The following SLC2A13 variants were observed in gnomAD, a reference collection of about 807,000 sequenced individuals.
SLC2A13 encodes proton myo-inositol cotransporter.
A neutral mutation model predicts 64.4 loss-of-function variants in SLC2A13; 32 were observed. The observed-to-expected ratio is 0.50, with a 90% confidence interval of 0.37 to 0.67. SLC2A13 has a LOEUF of 0.67. Ranked by LOEUF, SLC2A13 falls within the 30% of genes least tolerant of loss-of-function variation. The pLI, the probability that SLC2A13 is intolerant of heterozygous loss-of-function variation, is 0.00. For missense variants in SLC2A13, 743 were observed against 829.2 expected (o/e 0.90, Z 1.28); for synonymous variants, 338 against 327.1 (o/e 1.03, Z -0.36).
intron 4 of SLC2A13, among the ~76,000 whole-genome samples, chr12:39,885,263 A>G (rs945218029): frequency 6.6e-6 from 1 of 152,182 alleles, no homozygotes; most frequent in Admixed American, 6.5e-5. Context: ...CTCACTTGAA[A>G]TTCCCTACTC....
At chr12:39,845,268 T>G (rs985425298) in intron 6 of SLC2A13, among the ~76,000 whole-genome samples, 1 of 152,098 alleles carries the variant, frequency 6.6e-6, no homozygotes, top group African/African-American at 2.4e-5. Flanking sequence ...ACTCTCTTTT[T>G]GGGACCCATT....
chr12:39,769,806 A>G (rs1940496837), intron 7 of SLC2A13, among the ~76,000 whole-genome samples: 2 of 151,980 alleles, frequency 1.3e-5, no homozygotes, highest in South Asian at 4.1e-4. Flanking sequence ...CCAGAAGTTT[A>G]TACTCACGAG....
At chr12:39,943,843 C>T (rs759652575) in intron 4 of SLC2A13, among the ~76,000 whole-genome samples, 16 of 152,136 alleles carry the variant, frequency 1.1e-4, no homozygotes, top group Non-Finnish European at 1.8e-4. Context: ...CCCTTGGGAG[C>T]CTACACCATC....
intron 1 of SLC2A13, among the ~76,000 whole-genome samples, chr12:40,098,067 G>T (rs1194651032): frequency 6.6e-6 from 1 of 150,740 alleles, no homozygotes; most frequent in African/African-American, 2.4e-5. Flanking sequence ...GTATATATGT[G>T]TATATATATG....
chr12:40,105,392 G>T lies in SLC2A13; in HGVS notation c.417C>A (p.Gly139=). 6.4e-7 allele frequency: 1 copy of T among 1,558,450 alleles called. No homozygotes were observed. The highest frequency in any genetic ancestry group is 8.7e-7 in the Non-Finnish European group (1 of 1,152,674). ...GGCGGCCGAAGACGCCGTTGAGGGC[G>T]CCTCCGGCCAGCGCCGAGACGGCAG... ...GAAAVSALAG[G]ALNGVFGRRA... Residue 139 remains glycine, a synonymous_variant, in exon 1 of 10, where the codon GGC becomes GGA. Coordinates refer to ENST00000280871, the MANE Select transcript of SLC2A13 (RefSeq NM_052885.4). This position sits in a 1 kb window ranked among gnomAD's most constrained non-coding sequence, Gnocchi z 4.2.
chr12:39,774,823 G>A (rs777288664), intron 7 of SLC2A13, among the ~76,000 whole-genome samples: 11 of 151,866 alleles, frequency 7.2e-5, no homozygotes, highest in African/African-American at 9.7e-5. Context: ...ACTCCTTATC[G>A]GTATATTGAC....
At chr12:39,918,140 G>T (rs1279928359) in intron 4 of SLC2A13, among the ~76,000 whole-genome samples, 1 of 151,992 alleles carries the variant, frequency 6.6e-6, no homozygotes, top group East Asian at 1.9e-4. Context: ...ACCTTATAAG[G>T]CATTCTTCCC....
rs983047220 is a variant in SLC2A13 at position 40,105,089 on chromosome 12, A to G, written c.556+164T>C. Among the ~76,000 whole-genome samples, 4 of 142,180 alleles carry G rather than the reference A, an allele frequency of 2.8e-5. No individual in the cohort carries two copies. Among genetic ancestry groups the G allele is most frequent in the African/African-American group, 5.0e-5 (2 of 39,644 alleles). 93.3% of individuals were successfully genotyped at this position (142,180 alleles called of 152,430 possible). ...CTCCCACCTCCCGGGAGAGCCTTGG[A>G]GGCTGGACCAACAAACAGATGGGCT... On this transcript the variant is annotated intron_variant, in intron 1 of 9. Coordinates refer to ENST00000280871, the MANE Select transcript of SLC2A13 (RefSeq NM_052885.4). This position sits in a 1 kb window ranked among gnomAD's most constrained non-coding sequence, Gnocchi z 4.2.
At chr12:39,770,940 G>A (rs1411906411) in intron 7 of SLC2A13, among the ~76,000 whole-genome samples, 1 of 152,070 alleles carries the variant, frequency 6.6e-6, no homozygotes, top group Non-Finnish European at 1.5e-5. Flanking sequence ...TGGCCTCTAG[G>A]TGTAATATCT....
At chr12:40,103,181 C>T (rs1939201215) in intron 1 of SLC2A13, among the ~76,000 whole-genome samples, 1 of 152,236 alleles carries the variant, frequency 6.6e-6, no homozygotes, top group Non-Finnish European at 1.5e-5. Context: ...CACTTCCAAT[C>T]TGATCTCCTG....
chr12:39,922,744 C>A (rs1335807344), intron 4 of SLC2A13, among the ~76,000 whole-genome samples: 2 of 152,112 alleles, frequency 1.3e-5, no homozygotes, highest in African/African-American at 2.4e-5. Context: ...ACTTTTTTCT[C>A]TAGTATTTTC....
At chr12:39,809,441 T>C (rs1592158045) in intron 7 of SLC2A13, among the ~76,000 whole-genome samples, 2 of 152,194 alleles carry the variant, frequency 1.3e-5, no homozygotes, top group African/African-American at 4.8e-5. Context: ...GAACTGTTTA[T>C]AGGGATTATG....
chr12:40,058,090 T>TAGA (rs1382406396), intron 1 of SLC2A13, among the ~76,000 whole-genome samples: 81 of 150,704 alleles, frequency 5.4e-4, no homozygotes, highest in South Asian at 1.3e-3. Flanking sequence ...GATAGATAGA[T>TAGA]TGATTTACTA....
At chr12:39,879,204 G>A (rs1295910873) in intron 4 of SLC2A13, among the ~76,000 whole-genome samples, 6 of 152,258 alleles carry the variant, frequency 3.9e-5, no homozygotes, top group Admixed American at 2.6e-4. Flanking sequence ...GAAGCCTGCT[G>A]CAGGGGCAGA....
intron 1 of SLC2A13, among the ~76,000 whole-genome samples, chr12:40,077,097 G>A (rs1938206550): frequency 6.6e-6 from 1 of 152,066 alleles, no homozygotes; most frequent in African/African-American, 2.4e-5. Flanking sequence ...CTCCCATTTT[G>A]AAGGTTGTCT....
At chr12:39,924,544 C>T (rs191719423) in intron 4 of SLC2A13, among the ~76,000 whole-genome samples, 82 of 151,598 alleles carry the variant, frequency 5.4e-4, no homozygotes, top group African/African-American at 1.9e-3. Flanking sequence ...TAGACTTCAC[C>T]TTTTTCTGAC....
At chr12:39,945,087 T>G (rs1363177256) in intron 4 of SLC2A13, among the ~76,000 whole-genome samples, 1 of 152,208 alleles carries the variant, frequency 6.6e-6, no homozygotes, top group African/African-American at 2.4e-5. Flanking sequence ...TTTGTTTGTC[T>G]GAAAATGACT....
At chr12:40,083,993 A>C (rs999107818) in intron 1 of SLC2A13, among the ~76,000 whole-genome samples, 1 of 152,222 alleles carries the variant, frequency 6.6e-6, no homozygotes, top group Non-Finnish European at 1.5e-5. Context: ...TTTAAAATGC[A>C]TTCACCTTTA....
At chr12:40,086,856 T>C (rs1189686929) in intron 1 of SLC2A13, among the ~76,000 whole-genome samples, 1 of 152,228 alleles carries the variant, frequency 6.6e-6, no homozygotes, top group Non-Finnish European at 1.5e-5. Context: ...GTGGGAGACC[T>C]GTCAAGCTCA....
Sources: gnomAD v4.1 joint callset for allele counts (sites outside exome capture counted in the v4.1 genomes callset) on GRCh38, gnomAD v4.1.1 for gene constraint, Gnocchi (gnomAD v3.1) non-coding constraint, MANE v1.5 for transcripts, NCBI Gene and HGNC (gene_info 2026-07-23, HGNC 2026-07-21) for gene names.